Variants in LOC400499 observed in about 807,000 individuals in gnomAD.
At chr16:11,378,277 G>GT in the LOC400499 span, among the ~76,000 whole-genome samples, 9 of 48,972 alleles carry the variant, frequency 1.8e-4, no homozygotes, top group Non-Finnish European at 4.5e-4. Flanking sequence ...GCCGGGGGGA[G>GT]GGGGGAGGTG....
chr16:11,385,009 C>G, the LOC400499 span: 2 of 1,232,274 alleles, frequency 1.6e-6, no homozygotes, highest in South Asian at 8.2e-5. Context: ...TGGCAGGATG[C>G]AGCTTGAGGT....
the LOC400499 span, chr16:11,461,057 C>A: frequency 3.9e-6 from 6 of 1,536,048 alleles, no homozygotes; most frequent in Non-Finnish European, 5.2e-6. Context: ...AGCCCTGGCA[C>A]AAACAGCTCG....
At chr16:11,422,430 C>G in the LOC400499 span, among the ~76,000 whole-genome samples, 1 of 151,514 alleles carries the variant, frequency 6.6e-6, no homozygotes, top group African/African-American at 2.4e-5. Context: ...CGGAAAGGAA[C>G]AGAACGGAAC....
the LOC400499 span, among the ~76,000 whole-genome samples, chr16:11,430,540 C>A: frequency 6.0e-4 from 91 of 152,040 alleles, no homozygotes; most frequent in African/African-American, 2.2e-3. Context: ...TCTAGGAAAA[C>A]ACAATTCAGG....
the LOC400499 span, among the ~76,000 whole-genome samples, chr16:11,527,117 G>C: frequency 2.0e-5 from 3 of 152,358 alleles, no homozygotes; most frequent in East Asian, 3.9e-4. Context: ...ACTCTCCGCA[G>C]TCACTGCCAT....
chr16:11,393,217 C>T, the LOC400499 span, among the ~76,000 whole-genome samples: 2 of 148,390 alleles, frequency 1.3e-5, no homozygotes, highest in African/African-American at 2.5e-5. Flanking sequence ...TGGTCCTGAA[C>T]TCCTGAGCTC....
the LOC400499 span, among the ~76,000 whole-genome samples, chr16:11,503,763 G>T: frequency 5.9e-5 from 9 of 152,206 alleles, no homozygotes; most frequent in Admixed American, 3.9e-4. Context: ...AGAGCCAGTG[G>T]CAACCCTCAG....
the LOC400499 span, chr16:11,383,567 AG>A: frequency 1.6e-6 from 2 of 1,219,502 alleles, no homozygotes; most frequent in Non-Finnish European, 2.0e-6. Context: ...GGTGAGAGAA[AG>A]GGACTGGTTT....
At chr16:11,426,511 G>C in the LOC400499 span, among the ~76,000 whole-genome samples, 1 of 151,872 alleles carries the variant, frequency 6.6e-6, no homozygotes, top group Admixed American at 6.6e-5. Flanking sequence ...TGGAAATTTT[G>C]AATGTTTTCT....
the LOC400499 span, chr16:11,488,820 C>CG: frequency 7.5e-6 from 3 of 398,706 alleles, no homozygotes; most frequent in African/African-American, 6.2e-5. Flanking sequence ...TTCAGGGGGT[C>CG]GTGCGTCTCC....
At chr16:11,484,353 G>A in the LOC400499 span, among the ~76,000 whole-genome samples, 1 of 152,118 alleles carries the variant, frequency 6.6e-6, no homozygotes, top group South Asian at 2.1e-4. Context: ...TGGGAGTGAT[G>A]GGTATGTTCA....
At chr16:11,414,498 G>A in the LOC400499 span, 19 of 399,412 alleles carry the variant, frequency 4.8e-5, no homozygotes, top group East Asian at 6.4e-4. Flanking sequence ...CCCTGGCCTG[G>A]GTCTGGGTCT....
At chr16:11,461,222 G>A in the LOC400499 span, 7 of 1,389,296 alleles carry the variant, frequency 5.0e-6, no homozygotes, top group East Asian at 2.5e-5. Context: ...GGGGCCTTGG[G>A]GTTGGGGGCT....
chr16:11,427,020 T>C, the LOC400499 span, among the ~76,000 whole-genome samples: 2 of 150,516 alleles, frequency 1.3e-5, no homozygotes, highest in Non-Finnish European at 2.9e-5. Context: ...AAAAAATTCA[T>C]GTGACCTGTC....
the LOC400499 span, among the ~76,000 whole-genome samples, chr16:11,503,737 T>C: frequency 1.3e-5 from 2 of 152,238 alleles, no homozygotes; most frequent in Non-Finnish European, 1.5e-5. Flanking sequence ...CTTCCCAGAA[T>C]GTGCCTTCTG....
the LOC400499 span, among the ~76,000 whole-genome samples, chr16:11,382,435 A>G: frequency 3.3e-5 from 5 of 152,242 alleles, no homozygotes; most frequent in African/African-American, 1.2e-4. Context: ...TGGCTGTGGG[A>G]ATCATACGCA....
At chr16:11,509,443 C>T in the LOC400499 span, among the ~76,000 whole-genome samples, 1 of 151,346 alleles carries the variant, frequency 6.6e-6, no homozygotes. Context: ...TTAACAGAAA[C>T]AAGTCAGCAG....
the LOC400499 span, chr16:11,384,315 A>G: frequency 1.6e-6 from 2 of 1,231,542 alleles, no homozygotes; most frequent in Non-Finnish European, 2.0e-6. Context: ...CCAGAAGGCC[A>G]GCGGATATGC....
chr16:11,469,557 G>T, the LOC400499 span: 3 of 398,970 alleles, frequency 7.5e-6, no homozygotes, highest in African/African-American at 6.2e-5. Context: ...GCCGGAACTT[G>T]TTCTGGGGCA....
Sources: gnomAD v4.1 joint callset for allele counts (sites outside exome capture counted in the v4.1 genomes callset) on GRCh38, gnomAD v4.1.1 for gene constraint, MANE v1.5 for transcripts.